Variants in KDM4C observed in about 807,000 individuals in gnomAD.
The protein encoded by KDM4C is lysine-specific demethylase 4C.
Under a neutral mutation model 129.3 loss-of-function variants are expected in KDM4C, and 81 were observed. That is an observed-to-expected ratio of 0.63 (90% CI 0.52 to 0.75). The LOEUF is 0.75. Among genes scored for constraint, KDM4C ranks in the 30% least tolerant of loss-of-function variants. The pLI is 0.00. For missense variants in KDM4C, 1,457 were observed against 1,304.0 expected (o/e 1.12, Z -1.81); for synonymous variants, 573 against 456.1 (o/e 1.26, Z -3.26).
chr9:7,014,685 C>T (rs1253706355), intron 14 of KDM4C, among the ~76,000 whole-genome samples: 1 of 152,046 alleles, frequency 6.6e-6, no homozygotes, highest in African/African-American at 2.4e-5. Context: ...TCTAGTAACA[C>T]ACTTAGGTAT....
intron 8 of KDM4C, chr9:6,893,563 T>C (rs1846407259): frequency 5.8e-6 from 1 of 173,256 alleles, no homozygotes; most frequent in Non-Finnish European, 1.2e-5. Context: ...TTAGGTAGAC[T>C]CAGATCTCTC....
intron 4 of KDM4C, among the ~76,000 whole-genome samples, chr9:6,826,848 C>T (rs1459809554): frequency 1.3e-5 from 2 of 148,742 alleles, no homozygotes. Flanking sequence ...GCCTGGGCGA[C>T]AGAGTGAAAC....
At chr9:7,004,296 G>A (rs1821261017) in intron 12 of KDM4C, among the ~76,000 whole-genome samples, 1 of 152,156 alleles carries the variant, frequency 6.6e-6, no homozygotes, top group Admixed American at 6.5e-5. Flanking sequence ...TTAAGGCAAG[G>A]TTTCCCCCAG....
At chr9:7,033,055 C>T (rs957662394) in intron 15 of KDM4C, among the ~76,000 whole-genome samples, 4 of 152,008 alleles carry the variant, frequency 2.6e-5, no homozygotes, top group African/African-American at 4.8e-5. Flanking sequence ...CTTTGTAGAT[C>T]AGAGCGATTG....
At chr9:7,114,541 G>A (rs1380155955) in intron 18 of KDM4C, among the ~76,000 whole-genome samples, 1 of 152,188 alleles carries the variant, frequency 6.6e-6, no homozygotes, top group East Asian at 1.9e-4. Flanking sequence ...GTGGAATAAT[G>A]TGGTTTCAGG....
At chr9:6,824,039 C>G (rs918211286) in intron 4 of KDM4C, among the ~76,000 whole-genome samples, 3 of 152,226 alleles carry the variant, frequency 2.0e-5, no homozygotes, top group Admixed American at 1.3e-4. Flanking sequence ...TAGCTGCAGA[C>G]TATATTCTCT....
At chr9:7,150,599 A>G (rs1022842123) in intron 19 of KDM4C, among the ~76,000 whole-genome samples, 25 of 152,162 alleles carry the variant, frequency 1.6e-4, no homozygotes, top group African/African-American at 6.0e-4. Flanking sequence ...CTCAGAGGGA[A>G]GGAGAAGGCA....
intron 4 of KDM4C, among the ~76,000 whole-genome samples, chr9:6,827,516 G>A (rs1279070601): frequency 6.6e-6 from 1 of 152,146 alleles, no homozygotes; most frequent in Admixed American, 6.5e-5. Flanking sequence ...TCCCTCAATG[G>A]GGTAGCTTAA....
At chr9:6,907,905 T>C (rs1052812919) in intron 8 of KDM4C, among the ~76,000 whole-genome samples, 1 of 152,222 alleles carries the variant, frequency 6.6e-6, no homozygotes, top group African/African-American at 2.4e-5. Context: ...ACTATGGTAC[T>C]TAAATATTAA....
chr9:6,859,975 T>G (rs1288766908), intron 5 of KDM4C, among the ~76,000 whole-genome samples: 1 of 152,094 alleles, frequency 6.6e-6, no homozygotes, highest in Non-Finnish European at 1.5e-5. Context: ...TCCTATAGCT[T>G]TAAGGAGAAA....
intron 19 of KDM4C, among the ~76,000 whole-genome samples, chr9:7,145,964 A>G (rs1417090670): frequency 6.6e-6 from 1 of 152,258 alleles, no homozygotes; most frequent in Non-Finnish European, 1.5e-5. Context: ...GTGTGGAAAC[A>G]CAGTGCCCCA....
intron 1 of KDM4C, among the ~76,000 whole-genome samples, chr9:6,789,446 C>T (rs1055091040): frequency 3.9e-5 from 6 of 152,094 alleles, no homozygotes; most frequent in African/African-American, 1.4e-4. Context: ...TCTCGAACTC[C>T]TGACCTCAGG....
At chr9:7,125,034 C>G (rs1403959622) in intron 18 of KDM4C, among the ~76,000 whole-genome samples, 2 of 152,150 alleles carry the variant, frequency 1.3e-5, no homozygotes, top group Non-Finnish European at 2.9e-5. Context: ...CACCTGTCTT[C>G]TACATCTAAA....
intron 4 of KDM4C, among the ~76,000 whole-genome samples, chr9:6,834,133 G>A (rs1205449817): frequency 1.4e-5 from 2 of 146,442 alleles, no homozygotes; most frequent in Non-Finnish European, 3.0e-5. Context: ...CCGTCTTCTG[G>A]GTTCAAGCGG....
At chr9:7,009,208 A>C (rs765989255) in intron 12 of KDM4C, among the ~76,000 whole-genome samples, 3 of 152,212 alleles carry the variant, frequency 2.0e-5, no homozygotes, top group Non-Finnish European at 2.9e-5. Context: ...ATAAAAGAGA[A>C]CCAAACATAT....
At chr9:7,126,617 T>C (rs1840049165) in intron 18 of KDM4C, among the ~76,000 whole-genome samples, 1 of 152,348 alleles carries the variant, frequency 6.6e-6, no homozygotes, top group Non-Finnish European at 1.5e-5. Flanking sequence ...CGCATGTGTG[T>C]ATTTATGCAC....
intron 17 of KDM4C, 105 bp from the exon 18 acceptor site, chr9:7,103,580 G>GTTTT: frequency 9.9e-5 from 62 of 624,898 alleles, no homozygotes; most frequent in South Asian, 3.5e-4. Context: ...GTAATCAGTT[G>GTTTT]TTTTTTTTTT....
chr9:6,898,737 T>G lies in KDM4C; in HGVS notation c.921+5505T>G, dbSNP rs148613127. Among the ~76,000 whole-genome samples the G allele has an allele frequency of 6.5e-3, 996 of 152,342 alleles. 52 individuals carry two copies. Among genetic ancestry groups the G allele is most frequent in the Admixed American group, 0.058 (893 of 15,296 alleles). Reference sequence around the variant, plus strand: ...GCCATGATGTGGGTTCATTCTATTTTATATTTCAATTCTCTAAAATTAAGT... The same window carrying G: ...GCCATGATGTGGGTTCATTCTATTTGATATTTCAATTCTCTAAAATTAAGT... On this transcript the variant is annotated intron_variant, in intron 8 of 21. Coordinates refer to ENST00000381309, the MANE Select transcript of KDM4C (RefSeq NM_015061.6).
At chr9:6,915,401 T>G (rs1434554614) in intron 8 of KDM4C, among the ~76,000 whole-genome samples, 1 of 152,216 alleles carries the variant, frequency 6.6e-6, no homozygotes, top group Non-Finnish European at 1.5e-5. Context: ...TGCTGTATTG[T>G]CTTCTCACTA....
Sources: gnomAD v4.1 joint callset for allele counts (sites outside exome capture counted in the v4.1 genomes callset) on GRCh38, gnomAD v4.1.1 for gene constraint, MANE v1.5 for transcripts, NCBI Gene and HGNC (gene_info 2026-07-23, HGNC 2026-07-21) for gene names.